The following SGMS1 variants were observed in gnomAD, a reference collection of about 807,000 sequenced individuals.
SGMS1 encodes the protein sphingomyelin synthase 1, also known as phosphatidylcholine:ceramide cholinephosphotransferase 1.
A neutral mutation model predicts 46.2 loss-of-function variants in SGMS1; 13 were observed. The observed-to-expected ratio is 0.28, with a 90% CI of 0.18 to 0.45. SGMS1 has a LOEUF of 0.45. SGMS1 is among the 20% of genes least tolerant of loss of function. The probability of loss-of-function intolerance (pLI) is 1.00; values close to 1 mark genes in which losing one functional copy is unlikely to be tolerated. For missense variants in SGMS1, 324 were observed against 519.9 expected (o/e 0.62, Z 3.66); for synonymous variants, 203 against 187.8 (o/e 1.08, Z -0.66).
chr10:50,401,978 C>T (rs1358413757), intron 6 of SGMS1, among the ~76,000 whole-genome samples: 1 of 152,184 alleles, frequency 6.6e-6, no homozygotes, highest in African/African-American at 2.4e-5. Flanking sequence ...CAAAGTGGTA[C>T]AAAACTGTTG....
chr10:50,489,271 T>C (rs1837548354), intron 3 of SGMS1, among the ~76,000 whole-genome samples: 1 of 152,190 alleles, frequency 6.6e-6, no homozygotes, highest in South Asian at 2.1e-4. Flanking sequence ...ATATACCAAA[T>C]TCACCCACAG....
intron 4 of SGMS1, among the ~76,000 whole-genome samples, chr10:50,463,601 A>T (rs1489482907): frequency 6.6e-6 from 1 of 152,226 alleles, no homozygotes; most frequent in East Asian, 1.9e-4. Context: ...TACATCCACT[A>T]TGGAATAAAG....
At chr10:50,369,329 C>T (rs1848397772) in intron 6 of SGMS1, among the ~76,000 whole-genome samples, 2 of 152,082 alleles carry the variant, frequency 1.3e-5, no homozygotes, top group African/African-American at 4.8e-5. Context: ...AAGACCCTGT[C>T]TCTACAAAAA....
intron 7 of SGMS1, among the ~76,000 whole-genome samples, chr10:50,340,104 A>C (rs1847789842): frequency 6.6e-6 from 1 of 152,206 alleles, no homozygotes; most frequent in Admixed American, 6.5e-5. Context: ...TGGAAGAAAA[A>C]TATAGTAAAT....
intron 5 of SGMS1, among the ~76,000 whole-genome samples, chr10:50,440,542 G>C (rs889420962): frequency 6.6e-6 from 1 of 152,032 alleles, no homozygotes; most frequent in African/African-American, 2.4e-5. Context: ...TAATACTAAT[G>C]TCACTAAAGG....
intron 6 of SGMS1, among the ~76,000 whole-genome samples, chr10:50,347,360 G>T (rs11005290): frequency 5.9e-5 from 9 of 152,016 alleles, no homozygotes; most frequent in Non-Finnish European, 1.2e-4. Context: ...ATTTGGACGC[G>T]CAAGGAGAAT....
intron 5 of SGMS1, among the ~76,000 whole-genome samples, chr10:50,454,955 T>C (rs7907448): frequency 0.011 from 1,623 of 152,338 alleles, 35 homozygotes; most frequent in African/African-American, 0.037. Context: ...TATTTTCTTT[T>C]TAGCATATTT....
chr10:50,494,634 A>G (rs1056588412), intron 3 of SGMS1, among the ~76,000 whole-genome samples: 2 of 152,308 alleles, frequency 1.3e-5, no homozygotes, highest in Non-Finnish European at 2.9e-5. Flanking sequence ...CAGAGGGTAG[A>G]GGGTAGGAGG....
intron 2 of SGMS1, among the ~76,000 whole-genome samples, chr10:50,549,313 G>C (rs1838128683): frequency 6.6e-6 from 1 of 152,164 alleles, no homozygotes; most frequent in Non-Finnish European, 1.5e-5. Context: ...ATCAGTGATA[G>C]ACTGGATAAA....
At chr10:50,604,265 A>C (rs909992888) in intron 1 of SGMS1, among the ~76,000 whole-genome samples, 2 of 152,132 alleles carry the variant, frequency 1.3e-5, no homozygotes, top group African/African-American at 2.4e-5. Flanking sequence ...CTGGTCCCCC[A>C]CATGAGCCTG....
chr10:50,572,282 C>G (rs1838342905), intron 2 of SGMS1, among the ~76,000 whole-genome samples: 1 of 152,174 alleles, frequency 6.6e-6, no homozygotes, highest in Non-Finnish European at 1.5e-5. Flanking sequence ...CACAGGTTTT[C>G]CAGATAATTG....
chr10:50,416,085 A>G (rs1849165537), intron 6 of SGMS1, among the ~76,000 whole-genome samples: 1 of 152,216 alleles, frequency 6.6e-6, no homozygotes, highest in African/African-American at 2.4e-5. Context: ...TTCTAGAGTA[A>G]ATGCATAATT....
At chr10:50,582,901 T>C (rs1329941678) in intron 2 of SGMS1, among the ~76,000 whole-genome samples, 2 of 152,210 alleles carry the variant, frequency 1.3e-5, no homozygotes, top group Admixed American at 6.5e-5. Context: ...TCCAAACCAG[T>C]GTTGACCCTT....
At chr10:50,388,472 A>T (rs745393316) in intron 6 of SGMS1, among the ~76,000 whole-genome samples, 1,870 of 114,328 alleles carry the variant, frequency 0.016, 13 homozygotes, top group Non-Finnish European at 0.023. Context: ...TGTCTCTACT[A>T]AAAAAAAAAA....
chr10:50,458,446 C>T (rs1262312059), intron 5 of SGMS1, among the ~76,000 whole-genome samples: 2 of 148,242 alleles, frequency 1.3e-5, no homozygotes, highest in Non-Finnish European at 3.0e-5. Context: ...AGCTCCGCCT[C>T]CCGGGTTCAC....
intron 9 of SGMS1, among the ~76,000 whole-genome samples, chr10:50,309,568 G>A (rs565453920): frequency 1.0e-3 from 152 of 152,176 alleles, no homozygotes; most frequent in Non-Finnish European, 1.6e-3. Context: ...CAGGGGTGCT[G>A]ACATCTGGCC....
intron 5 of SGMS1, among the ~76,000 whole-genome samples, chr10:50,439,477 C>G (rs1420531676): frequency 6.6e-6 from 1 of 152,180 alleles, no homozygotes; most frequent in Non-Finnish European, 1.5e-5. Context: ...TCCAGGGTCA[C>G]TCAGCAGCAC....
At position 50,570,064 on chromosome 10, in the gene SGMS1, G is replaced by T. The variant is rs1838323950; in HGVS notation, c.-589+20089C>A. Among the ~76,000 whole-genome samples, 3 of 152,266 alleles carry T rather than the reference G, an allele frequency of 2.0e-5. No homozygotes were observed. In the South Asian group the frequency reaches 6.2e-4, roughly 32 times the overall value. On this transcript the variant is annotated intron_variant, in intron 2 of 10. Transcript: ENST00000361781. ...CATTAACAAAGCACTGCTAACTGTG[G>T]ACCCTCCAAGGAAAAGATGTCATGA...
chr10:50,592,708 C>T (rs1304900888), intron 1 of SGMS1, among the ~76,000 whole-genome samples: 1 of 152,164 alleles, frequency 6.6e-6, no homozygotes, highest in Non-Finnish European at 1.5e-5. Flanking sequence ...TCAGGCCACT[C>T]AAATACTCAG....
Sources: allele counts gnomAD v4.1 joint callset (sites outside exome capture counted in the v4.1 genomes callset), GRCh38; gene constraint gnomAD v4.1.1; transcripts MANE v1.5; gene names NCBI Gene and HGNC (gene_info 2026-07-23, HGNC 2026-07-21).